CCDC171: variants seen among roughly 807,000 people sequenced by gnomAD.
CCDC171 encodes coiled-coil domain containing 171.
Under a neutral mutation model 168.2 loss-of-function variants are expected in CCDC171, and 177 were observed. That is an observed-to-expected ratio of 1.05 (90% CI 0.93 to 1.19). The LOEUF is 1.19. Ranked by LOEUF, CCDC171 falls within the 50% of genes most tolerant of loss-of-function variation. CCDC171 has a pLI of 0.00. For missense variants in CCDC171, 1,991 were observed against 1,539.0 expected (o/e 1.29, Z -4.91); for synonymous variants, 687 against 540.8 (o/e 1.27, Z -3.75).
chr9:15,652,638 A>T (rs141812188), intron 7 of CCDC171, among the ~76,000 whole-genome samples: 23 of 152,096 alleles, frequency 1.5e-4, no homozygotes, highest in South Asian at 4.2e-4. Context: ...ACAGGGTTTT[A>T]CTATGTTGCC....
intron 3 of CCDC171, among the ~76,000 whole-genome samples, chr9:16,010,774 A>G (rs1307341354): frequency 2.0e-5 from 3 of 150,592 alleles, no homozygotes; most frequent in Non-Finnish European, 4.4e-5. Flanking sequence ...AAACCTCTGG[A>G]GCATGGAATG....
intron 9 of CCDC171, among the ~76,000 whole-genome samples, chr9:15,675,187 G>GTTTTTT (rs138989790): frequency 1.2e-3 from 89 of 75,526 alleles, no homozygotes; most frequent in East Asian, 1.4e-3. Flanking sequence ...TGCAACTCCT[G>GTTTTTT]TTTTTTTTTT....
intron 24 of CCDC171, among the ~76,000 whole-genome samples, chr9:15,911,006 A>C (rs1207633167): frequency 6.6e-6 from 1 of 152,152 alleles, no homozygotes; most frequent in Non-Finnish European, 1.5e-5. Flanking sequence ...CAGTAAACAT[A>C]TGTGTGCGTG....
At chr9:15,774,022 G>T (rs2057159198) in intron 18 of CCDC171, among the ~76,000 whole-genome samples, 1 of 152,054 alleles carries the variant, frequency 6.6e-6, no homozygotes. Flanking sequence ...GAGGTGGGTG[G>T]ATCACTTGAG....
At chr9:15,996,367 C>T (rs1031269375) in intron 3 of CCDC171, among the ~76,000 whole-genome samples, 3 of 146,834 alleles carry the variant, frequency 2.0e-5, no homozygotes, top group African/African-American at 7.6e-5. Context: ...ATGGGGGAAT[C>T]TGGGCATGCA....
At chr9:15,663,873 C>T (rs562114393) in intron 8 of CCDC171, among the ~76,000 whole-genome samples, 66 of 152,038 alleles carry the variant, frequency 4.3e-4, no homozygotes, top group Non-Finnish European at 7.5e-4. Context: ...CCCAAAGTGC[C>T]GGGATTACAT....
chr9:15,676,705 T>G (rs1202307064), intron 9 of CCDC171, among the ~76,000 whole-genome samples: 1 of 152,172 alleles, frequency 6.6e-6, no homozygotes, highest in Non-Finnish European at 1.5e-5. Context: ...TTTGAGAAAT[T>G]ATTTATCAGA....
At chr9:15,983,372 T>A (rs963518570) in intron 3 of CCDC171, among the ~76,000 whole-genome samples, 7 of 152,140 alleles carry the variant, frequency 4.6e-5, no homozygotes, top group Admixed American at 1.3e-4. Flanking sequence ...TTTCTTTTTT[T>A]AAAAAAACAT....
At chr9:15,850,822 C>G (rs906983130) in intron 23 of CCDC171, among the ~76,000 whole-genome samples, 1 of 151,944 alleles carries the variant, frequency 6.6e-6, no homozygotes, top group African/African-American at 2.4e-5. Flanking sequence ...TTTGATGAAA[C>G]AAAGAGTAGT....
the CCDC171 span, among the ~76,000 whole-genome samples, chr9:16,076,092 G>A: frequency 6.6e-6 from 1 of 152,156 alleles, no homozygotes; most frequent in Admixed American, 6.5e-5. Flanking sequence ...AGAGGAGGTA[G>A]AGGGGTGAAT....
downstream of CCDC171, among the ~76,000 whole-genome samples, chr9:15,976,259 A>C (rs1191766785): frequency 6.6e-6 from 1 of 152,228 alleles, no homozygotes; most frequent in Non-Finnish European, 1.5e-5. Flanking sequence ...TAATATGTTA[A>C]TCTTTTAATA....
intron 25 of CCDC171, among the ~76,000 whole-genome samples, chr9:15,968,275 C>T (rs1830998652): frequency 1.3e-5 from 2 of 152,222 alleles, no homozygotes; most frequent in Non-Finnish European, 2.9e-5. Flanking sequence ...CAGAACACCT[C>T]AGCAGTTTTA....
At chr9:15,694,186 G>T (rs1246078468) in intron 10 of CCDC171, among the ~76,000 whole-genome samples, 15 of 151,892 alleles carry the variant, frequency 9.9e-5, no homozygotes, top group Non-Finnish European at 2.9e-5. Context: ...CTATTAAATT[G>T]CTGGAGTTCC....
chr9:15,778,842 C>T, intron 19 of CCDC171, 126 bp from the exon 20 acceptor site: 1 of 620,756 alleles, frequency 1.6e-6, no homozygotes. Context: ...TTCACCTCTA[C>T]ATTTCTGTAA....
intron 7 of CCDC171, among the ~76,000 whole-genome samples, chr9:15,633,522 C>G (rs1346579769): frequency 2.0e-5 from 3 of 152,134 alleles, no homozygotes; most frequent in Non-Finnish European, 4.4e-5. Context: ...AGTCAGGAAA[C>G]AACAGGTGCT....
chr9:16,070,779 A>G, the CCDC171 span, among the ~76,000 whole-genome samples: 1 of 152,058 alleles, frequency 6.6e-6, no homozygotes, highest in South Asian at 2.1e-4. Flanking sequence ...CTTCTTAAAC[A>G]TCCTCTCCTC....
chr9:15,934,063 C>G (rs1245973016), intron 25 of CCDC171, among the ~76,000 whole-genome samples: 1 of 151,814 alleles, frequency 6.6e-6, no homozygotes, highest in African/African-American at 2.4e-5. Context: ...AGAACTCTTA[C>G]AACTCAACAA....
intron 24 of CCDC171, among the ~76,000 whole-genome samples, chr9:15,916,907 A>G (rs930361499): frequency 1.3e-5 from 2 of 151,956 alleles, no homozygotes; most frequent in Non-Finnish European, 2.9e-5. Flanking sequence ...ACTGCATGGT[A>G]TAGTCAAAAT....
intron 21 of CCDC171, among the ~76,000 whole-genome samples, chr9:15,798,630 G>A (rs10756706): frequency 0.93 from 141,793 of 152,076 alleles, 66,271 homozygotes; most frequent in East Asian, 1. Context: ...CACAGGTCAA[G>A]TGTAGCCCAC....
Sources: allele counts gnomAD v4.1 joint callset (sites outside exome capture counted in the v4.1 genomes callset), GRCh38; gene constraint gnomAD v4.1.1; transcripts MANE v1.5; gene names NCBI Gene and HGNC (gene_info 2026-07-23, HGNC 2026-07-21).